Variants in PTPRQ observed in about 807,000 individuals in gnomAD.
PTPRQ encodes protein tyrosine phosphatase receptor type Q, also known as phosphatidylinositol phosphatase PTPRQ.
In PTPRQ, 199 loss-of-function variants were observed where a neutral mutation model predicts 246.0. The ratio of observed to expected loss-of-function variants is 0.81; its 90% CI spans 0.72 to 0.91. PTPRQ has a LOEUF of 0.91. PTPRQ is among the 40% of genes least tolerant of loss of function. The probability of loss-of-function intolerance (pLI) is 0.00; values close to 1 mark genes in which losing one functional copy is unlikely to be tolerated. For missense variants in PTPRQ, 2,624 were observed against 2,528.4 expected (o/e 1.04, Z -0.81); for synonymous variants, 869 against 853.2 (o/e 1.02, Z -0.32).
intron 16 of PTPRQ, among the ~76,000 whole-genome samples, chr12:80,507,834 A>T (rs760905352): frequency 6.6e-6 from 1 of 152,088 alleles, no homozygotes; most frequent in South Asian, 2.1e-4. Context: ...AACCTTCCAA[A>T]TGAGTCAATG....
At chr12:80,465,564 T>G (rs1335873645) in intron 6 of PTPRQ, 1 of 152,200 alleles carries the variant, frequency 6.6e-6, no homozygotes, top group Non-Finnish European at 1.5e-5. Flanking sequence ...AAAGAGAATT[T>G]TAGACCAATA....
At position 80,562,370 on chromosome 12, in the gene PTPRQ, A is replaced by G. The variant is rs185510188; in HGVS notation, c.4285+12636A>G. The stretch of plus-strand genomic sequence containing the variant: ...AATGGTATTCATTTATCTTTAAACA[A>G]TTGGGAGAGTTCTCCAGTGAAACTA... On this transcript the variant is annotated intron_variant, in intron 25 of 44. Coordinates refer to ENST00000644991, the MANE Select transcript of PTPRQ (RefSeq NM_001145026.2). Among the ~76,000 whole-genome samples, 11 of 152,290 alleles carry G rather than the reference A, an allele frequency of 7.2e-5. 1 individual carries two copies. The highest frequency in any genetic ancestry group is 2.4e-4 in the African/African-American group (10 of 41,566).
Position 80,493,431 on chromosome 12 carries a change from G to C in PTPRQ, c.1516G>C (p.Ala506Pro), listed in dbSNP as rs1470549019. 6.5e-7 allele frequency: 1 copy of C among 1,548,372 alleles called. No homozygotes were observed. Among genetic ancestry groups the C allele is most frequent in the Non-Finnish European group, 8.7e-7 (1 of 1,145,350 alleles). ...TAAAAACTTTCCTGCAAGGAATAGA[G>C]CTGAAGACCAGACTTCACCAGTTGG... ...PDKNFPARNR[A>P]EDQTSPVVTT... is the part of the protein sequence containing the mutation. The change falls in exon 10 of 45, where the codon GCT (alanine) becomes CCT (proline). Residue 506 changes from alanine to proline, a missense_variant. Ala to Pro is a conservative substitution (Grantham distance 27, BLOSUM62 -1). Transcript: ENST00000644991.
intron 25 of PTPRQ, among the ~76,000 whole-genome samples, chr12:80,559,098 G>A (rs1417409770): frequency 6.6e-6 from 1 of 152,214 alleles, no homozygotes; most frequent in Non-Finnish European, 1.5e-5. Context: ...GGGGTGGAGT[G>A]CAGTGGCGCA....
chr12:80,570,243 T>C (rs918470237), intron 25 of PTPRQ, among the ~76,000 whole-genome samples: 2 of 152,234 alleles, frequency 1.3e-5, no homozygotes, highest in Non-Finnish European at 2.9e-5. Flanking sequence ...CTCCAGCATC[T>C]GTTGTTTCCT....
In PTPRQ at chr12:80,541,769, A is replaced by T. The variant is rs1191888480; in HGVS notation, c.3369A>T (p.Leu1123Phe). 6.4e-7 allele frequency: 1 copy of T among 1,550,964 alleles called. No homozygotes were observed. Residue 1123 changes from leucine (L) to phenylalanine (F), a missense_variant, in exon 21 of 45, where the codon TTA (leucine) becomes TTT (phenylalanine). Physicochemically the swap from Leu to Phe is conservative, Grantham distance 22 (BLOSUM62 0). Transcript: ENST00000644991. ...TGGAAAAATACACTGATTATATATT[A>T]AAAATTACTCCATCAACAGAAAAGG... ...DNLEKYTDYI[L>F]KITPSTEKGF...
At chr12:80,663,603 C>G in intron 39 of PTPRQ, among the ~76,000 whole-genome samples, 1 of 151,902 alleles carries the variant, frequency 6.6e-6, no homozygotes, top group Non-Finnish European at 1.5e-5. Flanking sequence ...GATTTCACTC[C>G]GGGATCACTG....
intron 25 of PTPRQ, among the ~76,000 whole-genome samples, chr12:80,567,987 G>T (rs1719033128): frequency 6.6e-6 from 1 of 152,104 alleles, no homozygotes; most frequent in South Asian, 2.1e-4. Context: ...TTTTTCTGAT[G>T]ATTCATTATG....
At chr12:80,637,110 T>C (rs1899683357) in intron 35 of PTPRQ, among the ~76,000 whole-genome samples, 1 of 151,944 alleles carries the variant, frequency 6.6e-6, no homozygotes, top group African/African-American at 2.4e-5. Context: ...AAATATAAAA[T>C]TAGCCCAGCA....
chr12:80,599,392 C>G (rs573915547), intron 26 of PTPRQ, among the ~76,000 whole-genome samples: 4 of 151,866 alleles, frequency 2.6e-5, no homozygotes, highest in Non-Finnish European at 5.9e-5. Flanking sequence ...ATTCATTTCA[C>G]AAACAATCCT....
At chr12:80,549,816 C>A in intron 25 of PTPRQ, 82 bp downstream of exon 25, 1 of 1,440,952 alleles carries the variant, frequency 6.9e-7, no homozygotes, top group Non-Finnish European at 9.2e-7. Flanking sequence ...ATCTTTATAG[C>A]ATACTTATCT....
chr12:80,620,091 A>G (rs190444589), intron 31 of PTPRQ, 63 bp from the exon 32 acceptor site: 1 of 1,471,810 alleles, frequency 6.8e-7, no homozygotes. Context: ...AACACTATTT[A>G]TAATTGTAAA....
intron 28 of PTPRQ, 124 bp from the exon 29 acceptor site, chr12:80,613,468 C>T (rs1898630975): frequency 2.1e-6 from 2 of 966,828 alleles, no homozygotes; most frequent in Non-Finnish European, 1.5e-6. Context: ...CTAGTTTTTG[C>T]AGTTTATATG....
At chr12:80,593,764 G>C (rs1897879065) in intron 26 of PTPRQ, 1 of 151,990 alleles carries the variant, frequency 6.6e-6, no homozygotes, top group African/African-American at 2.4e-5. Flanking sequence ...GTATATATGT[G>C]GTGGTGATGT....
chr12:80,652,257 G>C (rs1900282991), intron 37 of PTPRQ, among the ~76,000 whole-genome samples: 1 of 151,882 alleles, frequency 6.6e-6, no homozygotes, highest in Non-Finnish European at 1.5e-5. Context: ...TTCCATTATT[G>C]ATTTAGCAAT....
At chr12:80,599,135 G>A (rs2121060308) in intron 26 of PTPRQ, among the ~76,000 whole-genome samples, 1 of 151,998 alleles carries the variant, frequency 6.6e-6, no homozygotes, top group South Asian at 2.1e-4. Flanking sequence ...ACAGATGGAT[G>A]GGAAAGATGA....
chr12:80,600,097 G>T (rs760005010), intron 26 of PTPRQ, among the ~76,000 whole-genome samples: 1 of 151,920 alleles, frequency 6.6e-6, no homozygotes, highest in African/African-American at 2.4e-5. Context: ...AAGGGAAAAC[G>T]ATTTTTGGAA....
At chr12:80,581,265 G>T (rs1897425945) in intron 25 of PTPRQ, among the ~76,000 whole-genome samples, 1 of 152,152 alleles carries the variant, frequency 6.6e-6, no homozygotes, top group Non-Finnish European at 1.5e-5. Flanking sequence ...ATAAATAAAA[G>T]AAGGAAAGCA....
chr12:80,470,272 AT>A (rs1435379747), intron 7 of PTPRQ, among the ~76,000 whole-genome samples: 1 of 152,180 alleles, frequency 6.6e-6, no homozygotes, highest in Non-Finnish European at 1.5e-5. Flanking sequence ...CTAACAGATA[AT>A]TTGTCCATAA....
Sources: allele counts gnomAD v4.1 joint callset (sites outside exome capture counted in the v4.1 genomes callset), GRCh38; gene constraint gnomAD v4.1.1; transcripts MANE v1.5; gene names NCBI Gene and HGNC (gene_info 2026-07-23, HGNC 2026-07-21).